The following STX10 variants were observed in gnomAD, a reference collection of about 807,000 sequenced individuals.
The protein encoded by STX10 is syntaxin 10, also known as syntaxin-10.
In STX10, 35 loss-of-function variants were observed where a neutral mutation model predicts 34.1. That is an observed-to-expected ratio of 1.03 (90% confidence interval 0.78 to 1.36). The LOEUF is 1.36. STX10 is among the 40% of genes most tolerant of loss of function. STX10 has a pLI of 0.00. For missense variants in STX10, 361 were observed against 335.5 expected, an observed-to-expected ratio of 1.08 and a Z score of -0.59; for synonymous variants, 155 against 132.9, an observed-to-expected ratio of 1.17 and a Z score of -1.15.
intron 4 of STX10, among the ~76,000 whole-genome samples, chr19:13,148,098 G>A (rs1382723280): frequency 6.7e-6 from 1 of 149,088 alleles, no homozygotes; most frequent in African/African-American, 2.5e-5. Context: ...AGGAAGTTAT[G>A]TGCGATGGCT....
chr19:13,144,435 A>T lies in STX10; in HGVS notation c.725T>A (p.Val242Asp). Residue 242 changes from valine (V) to aspartate (D), a missense_variant, in exon 8 of 8, where the codon GTT becomes GAT. Physicochemically the swap from Val to Asp is radical, Grantham distance 152. Transcript: ENST00000587230. ...TCAGAGAGAGAATAGTAAGATGAGAACGAGGAGAAGCACCCCCACTAGCAC... is the reference window on the plus strand; with the variant it reads ...TCAGAGAGAGAATAGTAAGATGAGATCGAGGAGAAGCACCCCCACTAGCAC... The part of the protein sequence containing the change: ...IAVLVGVLLL[V>D]LILLFSL 1.9e-6 allele frequency: 3 copies of T among 1,612,134 alleles called. No homozygotes were observed. The highest frequency in any genetic ancestry group is 2.5e-6 in the Non-Finnish European group (3 of 1,179,488).
At chr19:13,148,013 G>A (rs1600020722) in intron 4 of STX10, among the ~76,000 whole-genome samples, 2 of 138,694 alleles carry the variant, frequency 1.4e-5, no homozygotes, top group African/African-American at 5.4e-5. Flanking sequence ...GCAGTGAGCC[G>A]AGACTGCGCC....
rs754304401 is a variant in STX10 at position 13,144,442 on chromosome 19, G to A, written c.718C>T (p.Leu240Phe). Residue 240 changes from leucine (L) to phenylalanine (F), a missense_variant, in exon 8 of 8, where the codon CTC becomes TTC. Leu to Phe is a conservative substitution (Grantham distance 22, BLOSUM62 0). Coordinates refer to ENST00000587230, the MANE Select transcript of STX10 (RefSeq NM_003765.3). Reference sequence around the variant, plus strand: ...GAGAATAGTAAGATGAGAACGAGGAGAAGCACCCCCACTAGCACGGCGATG... The same window carrying A: ...GAGAATAGTAAGATGAGAACGAGGAAAAGCACCCCCACTAGCACGGCGATG... The part of the protein sequence containing the change: ...CAIAVLVGVL[L>F]LVLILLFSL 2 of 1,612,772 alleles carry A rather than the reference G, an allele frequency of 1.2e-6. No homozygotes were observed. Among genetic ancestry groups the A allele is most frequent in the Admixed American group, 1.7e-5 (1 of 59,826 alleles).
chr19:13,144,526 C>T (rs1015781201), intron 7 of STX10, 40 bp from the exon 8 acceptor site: 1 of 1,613,892 alleles, frequency 6.2e-7, no homozygotes. Flanking sequence ...GAGAGGGTAC[C>T]ACCTACAACC....
In STX10 at chr19:13,145,356, C is replaced by T. The variant is rs764310635; in HGVS notation, c.403G>A (p.Asp135Asn). The T allele has an allele frequency of 1.5e-5, 24 of 1,611,784 alleles. No homozygotes were observed. The Admixed American group carries it at 1.8e-4, about 12-fold the overall frequency. Residue 135 changes from aspartate (D) to asparagine (N), a missense_variant, in exon 5 of 8, where the codon GAC (aspartate) becomes AAC (asparagine). By Grantham distance (23) the Asp-to-Asn change is conservative (BLOSUM62 1). Transcript: ENST00000587230. ...GAGACTGCGCTGGCATCCAGCAGGTCGCTGGGTGACTTCTGGGCAGCTGGC... is the reference window on the plus strand; with the variant it reads ...GAGACTGCGCTGGCATCCAGCAGGTTGCTGGGTGACTTCTGGGCAGCTGGC... ...GKPAAQKSPS[D>N]LLDASAVSAT...
rs201782292 is a variant in STX10, at chr19:13,150,189, C to T, written c.-16G>A. On this transcript the variant is annotated 5_prime_UTR_variant, in exon 1 of 8. Transcript: ENST00000587230. The surrounding 1 kb of genome is among the most constrained non-coding windows in gnomAD (Gnocchi z 4.0). ...CGAGAGACATGTCAGTCCCTTCCCC[C>T]CCAGGCCGAACCCCCCTCCCGGCCT... The T allele has an allele frequency of 4.9e-6, 5 of 1,021,110 alleles. No homozygotes were observed. The highest frequency in any genetic ancestry group is 7.6e-6 in the Non-Finnish European group (5 of 658,204). 63.3% of individuals were successfully genotyped at this position (1,021,110 alleles called of 1,614,324 possible).
rs1327785603 is a variant in STX10, at chr19:13,150,202, C to T, written c.-29G>A. 2.2e-6 allele frequency: 2 copies of T among 892,786 alleles called. No homozygotes were observed. The highest frequency in any genetic ancestry group is 2.7e-5 in the East Asian group (1 of 37,366). 55.3% of individuals were successfully genotyped at this position (892,786 alleles called of 1,614,324 possible). A position where few individuals can be genotyped will look rare whatever the true frequency, so the allele number is the denominator to read the frequency against. On this transcript the variant is annotated 5_prime_UTR_variant, in exon 1 of 8. Transcript: ENST00000587230. This position sits in a 1 kb window ranked among gnomAD's most constrained non-coding sequence, Gnocchi z 4.0. Reference sequence around the variant, plus strand: ...AGTCCCTTCCCCCCCAGGCCGAACCCCCCTCCCGGCCTGGGTTCGCGGGCT... The same window carrying T: ...AGTCCCTTCCCCCCCAGGCCGAACCTCCCTCCCGGCCTGGGTTCGCGGGCT...
At chr19:13,144,923 G>T (rs2019863267) in intron 5 of STX10, 53 bp from the exon 6 acceptor site, 8 of 1,514,426 alleles carry the variant, frequency 5.3e-6, no homozygotes, top group Non-Finnish European at 7.2e-6. Flanking sequence ...AGAAGGCCAG[G>T]CGCTATGGCT....
chr19:13,144,361 T>C lies in STX10; in HGVS notation c.*49A>G. 1 of 1,584,152 alleles carries C rather than the reference T, an allele frequency of 6.3e-7. No individual in the cohort carries two copies. Among genetic ancestry groups the C allele is most frequent in the Non-Finnish European group, 8.6e-7 (1 of 1,166,790 alleles). ...GGGGGCGAGGCCAGCTCCAAAGTGC[T>C]TGGTGGCTCCCCAGGCTTAAGGGAC... On this transcript the variant is annotated 3_prime_UTR_variant, in exon 8 of 8. Transcript: ENST00000587230.
intron 4 of STX10, among the ~76,000 whole-genome samples, chr19:13,147,138 A>G (rs2019918649): frequency 6.6e-6 from 1 of 151,574 alleles, no homozygotes; most frequent in African/African-American, 2.4e-5. Context: ...AGAGGAAACT[A>G]GCAGATATTA....
In STX10 at chr19:13,144,430, T is replaced by C; in HGVS notation, c.730A>G (p.Ile244Val). ...TGGGGTCAGAGAGAGAATAGTAAGA[T>C]GAGAACGAGGAGAAGCACCCCCACT... ...VLVGVLLLVL[I>V]LLFSL Residue 244 changes from isoleucine to valine, a missense_variant, in exon 8 of 8, where the codon ATC (isoleucine) becomes GTC (valine). Transcript: ENST00000587230. The C allele has an allele frequency of 6.2e-7, 1 of 1,611,464 alleles. No individual in the cohort carries two copies. Among genetic ancestry groups the C allele is most frequent in the Non-Finnish European group, 8.5e-7 (1 of 1,179,284 alleles).
Position 13,149,486 on chromosome 19 carries a change from G to C in STX10, c.300+13C>G, listed in dbSNP as rs1244295305. 1 of 1,608,374 alleles carries C rather than the reference G, an allele frequency of 6.2e-7. No individual in the cohort carries two copies. The highest frequency in any genetic ancestry group is 1.7e-5 in the Admixed American group (1 of 58,942). On this transcript the variant is annotated intron_variant, in intron 3 of 7. Transcript: ENST00000587230. ...ACCTTCCCCCACTCCCCGCCTGCAG[G>C]ACCTTTCCTGACCTGGACTGCCTCT...
intron 4 of STX10, among the ~76,000 whole-genome samples, chr19:13,147,489 G>T (rs926741551): frequency 1.3e-5 from 2 of 151,730 alleles, no homozygotes; most frequent in African/African-American, 4.8e-5. Flanking sequence ...AAGCTGGCCG[G>T]GCGCGGTGGC....
Position 13,149,893 on chromosome 19 carries a change from C to T in STX10, c.40G>A (p.Val14Met). ...EDPFFVVRGE[V>M]QKAVNTARGL... The stretch of plus-strand genomic sequence containing the variant: ...CGGGCCGTGTTCACCGCCTTCTGCA[C>T]CTCGCTGCGGGCAGGGGCACGGCGG... Residue 14 changes from valine (V) to methionine (M), a missense_variant, in exon 2 of 8, where the codon GTG (valine) becomes ATG (methionine). Coordinates refer to ENST00000587230, the MANE Select transcript of STX10 (RefSeq NM_003765.3). 1 of 1,589,842 alleles carries T rather than the reference C, an allele frequency of 6.3e-7. No individual in the cohort carries two copies. The highest frequency in any genetic ancestry group is 8.6e-7 in the Non-Finnish European group (1 of 1,168,974).
At chr19:13,145,478 CAG>C (rs927670950) in intron 4 of STX10, 83 bp from the exon 5 acceptor site, 44 of 1,163,658 alleles carry the variant, frequency 3.8e-5, no homozygotes, top group Middle Eastern at 2.1e-4. Context: ...GGTGGTAAGT[CAG>C]GGGGGCAGAC....
Position 13,150,070 on chromosome 19 carries a change from GC to G in STX10, c.35+68del. 8.7e-7 allele frequency: 1 copy of G among 1,143,424 alleles called. No individual in the cohort carries two copies. The highest frequency in any genetic ancestry group is 1.3e-5 in the South Asian group (1 of 76,262). 70.8% of individuals were successfully genotyped at this position (1,143,424 alleles called of 1,614,324 possible). ...TGCCCAGCCCGCCGGGCACGCTGGG[GC>G]CGGCACCCGGGCACTGGCTGGCTTG... On this transcript the variant is annotated intron_variant, in intron 1 of 7. Transcript: ENST00000587230. The surrounding 1 kb of genome is among the most constrained non-coding windows in gnomAD (Gnocchi z 4.0).
At chr19:13,145,154 G>A (rs956026972) in intron 5 of STX10, 134 bp downstream of exon 5, 17 of 809,424 alleles carry the variant, frequency 2.1e-5, no homozygotes, top group South Asian at 1.4e-4. Context: ...AGCTGAGATC[G>A]CGCCACTGCA....
chr19:13,147,638 C>T (rs1909958753), intron 4 of STX10, among the ~76,000 whole-genome samples: 1 of 151,866 alleles, frequency 6.6e-6, no homozygotes, highest in Non-Finnish European at 1.5e-5. Flanking sequence ...GTGGCTCACA[C>T]CTGTAATCCC....
intron 4 of STX10, 70 bp from the exon 5 acceptor site, chr19:13,145,465 C>A: frequency 7.3e-7 from 1 of 1,363,076 alleles, no homozygotes. Flanking sequence ...GGCAAATCCC[C>A]ACGGTGGTAA....
Sources: allele counts gnomAD v4.1 joint callset (sites outside exome capture counted in the v4.1 genomes callset), GRCh38; gene constraint gnomAD v4.1.1; non-coding constraint Gnocchi (gnomAD v3.1); transcripts MANE v1.5; gene names NCBI Gene and HGNC (gene_info 2026-07-23, HGNC 2026-07-21).